The following ATRX variants were observed in gnomAD, a reference collection of about 807,000 sequenced individuals.
ATRX encodes the protein chromatin remodeler ATRX.
Under a neutral mutation model 172.6 loss-of-function variants are expected in ATRX, and 12 were observed. The ratio of observed to expected loss-of-function variants is 0.07; its 90% CI spans 0.04 to 0.11. ATRX has a LOEUF of 0.11. ATRX is among the 10% of genes least tolerant of loss of function. The pLI, the probability that ATRX is intolerant of heterozygous loss-of-function variation, is 1.00. For synonymous variants in ATRX, 674 were observed against 594.7 expected (o/e 1.13, Z -1.94); for missense variants, 1,368 against 1,767.4 (o/e 0.77, Z 4.05).
At chrX:77,553,026 T>C (rs1198395858) in intron 30 of ATRX, among the ~76,000 whole-genome samples, 2 of 110,990 alleles carry the variant, frequency 1.8e-5, no homozygotes, top group Admixed American at 9.6e-5. Context: ...AAGGAAGGTG[T>C]TTGCAATTGT....
intron 30 of ATRX, among the ~76,000 whole-genome samples, chrX:77,525,873 C>T (rs2063364853): frequency 8.9e-6 from 1 of 112,275 alleles, no homozygotes; most frequent in Non-Finnish European, 1.9e-5. Flanking sequence ...TTATAAACAA[C>T]ACAATTTATA....
intron 1 of ATRX, among the ~76,000 whole-genome samples, chrX:77,777,343 C>T (rs1232755121): frequency 1.8e-5 from 2 of 108,538 alleles, no homozygotes; most frequent in Admixed American, 2.0e-4. Flanking sequence ...ATCACACCAC[C>T]GCACTCCAGC....
chrX:77,555,219 G>A (rs2064726880), intron 30 of ATRX, among the ~76,000 whole-genome samples: 1 of 111,639 alleles, frequency 9.0e-6, no homozygotes, highest in Non-Finnish European at 1.9e-5. Flanking sequence ...AACAGATGCT[G>A]GTGAGGATGT....
At chrX:77,650,694 C>T (rs1308459625) in intron 15 of ATRX, among the ~76,000 whole-genome samples, 1 of 110,566 alleles carries the variant, frequency 9.0e-6, no homozygotes, top group Non-Finnish European at 1.9e-5. Flanking sequence ...AAGCAATTCT[C>T]CTGTCTCAGC....
At chrX:77,556,187 AGGAGAG>A (rs1430292864) in intron 30 of ATRX, among the ~76,000 whole-genome samples, 2 of 77,657 alleles carry the variant, frequency 2.6e-5, no homozygotes, top group Non-Finnish European at 4.7e-5. Flanking sequence ...AAGAGGTAGA[AGGAGAG>A]GGAGAGGGAG....
At chrX:77,541,951 T>C (rs782604171) in intron 30 of ATRX, among the ~76,000 whole-genome samples, 71 of 111,626 alleles carry the variant, frequency 6.4e-4, no homozygotes, top group African/African-American at 2.1e-3. Flanking sequence ...CAACATAGTA[T>C]TGGAAGTTCT....
At chrX:77,724,999 T>C (rs1443908748) in intron 1 of ATRX, among the ~76,000 whole-genome samples, 1 of 112,067 alleles carries the variant, frequency 8.9e-6, no homozygotes, top group Non-Finnish European at 1.9e-5. Flanking sequence ...AGCACACATT[T>C]ACTTATGCTA....
chrX:77,759,677 G>A (rs2075644920), intron 1 of ATRX, among the ~76,000 whole-genome samples: 1 of 110,869 alleles, frequency 9.0e-6, no homozygotes, highest in Admixed American at 9.7e-5. Flanking sequence ...TAGCACCACT[G>A]CACTCCAGCC....
chrX:77,732,105 AC>A (rs1270456287), intron 1 of ATRX, among the ~76,000 whole-genome samples: 1 of 111,210 alleles, frequency 9.0e-6, no homozygotes, highest in Non-Finnish European at 1.9e-5. Flanking sequence ...CACAGACACC[AC>A]CCCCCTCCCC....
At chrX:77,642,313 T>C (rs1292610184) in intron 15 of ATRX, among the ~76,000 whole-genome samples, 1 of 111,761 alleles carries the variant, frequency 8.9e-6, no homozygotes, top group Non-Finnish European at 1.9e-5. Context: ...AGCCAGACAT[T>C]AACAGAAAAT....
intron 10 of ATRX, among the ~76,000 whole-genome samples, chrX:77,673,323 G>A (rs2070717925): frequency 9.0e-6 from 1 of 110,752 alleles, no homozygotes; most frequent in South Asian, 3.8e-4. Context: ...TACCCTAATG[G>A]CACTTTCAAG....
At chrX:77,587,194 G>T (rs1602666661) in intron 27 of ATRX, among the ~76,000 whole-genome samples, 1 of 110,972 alleles carries the variant, frequency 9.0e-6, no homozygotes, top group Non-Finnish European at 1.9e-5. Context: ...GACAAAAAAA[G>T]CCAATTAAAA....
At chrX:77,516,421 A>T (rs2063056492) in intron 34 of ATRX, among the ~76,000 whole-genome samples, 1 of 112,050 alleles carries the variant, frequency 8.9e-6, no homozygotes, top group Non-Finnish European at 1.9e-5. Context: ...AAACCAAAAA[A>T]GAGCAGGACT....
At chrX:77,533,705 T>A (rs2063659373) in intron 30 of ATRX, among the ~76,000 whole-genome samples, 1 of 111,253 alleles carries the variant, frequency 9.0e-6, no homozygotes, top group African/African-American at 3.3e-5. Flanking sequence ...GATGGGATGA[T>A]CTGTGCAGTA....
intron 17 of ATRX, 105 bp downstream of exon 17, chrX:77,634,489 C>T: frequency 3.0e-6 from 2 of 666,124 alleles, no homozygotes; most frequent in Admixed American, 5.2e-5. Flanking sequence ...TTCTTGTTCA[C>T]TGCTTTATCT....
intron 10 of ATRX, among the ~76,000 whole-genome samples, chrX:77,669,707 A>T (rs1212592388): frequency 1.8e-5 from 2 of 110,457 alleles, no homozygotes; most frequent in Non-Finnish European, 3.8e-5. Flanking sequence ...TTTTTTTTTT[A>T]ATTTTATTTT....
intron 14 of ATRX, among the ~76,000 whole-genome samples, chrX:77,652,729 C>T: frequency 9.3e-6 from 1 of 107,521 alleles, no homozygotes; most frequent in Non-Finnish European, 1.9e-5. Flanking sequence ...ATGGTGTGAA[C>T]CCAGGAGGCG....
chrX:77,740,053 CAAAAAAAA>C (rs781860181), intron 1 of ATRX, among the ~76,000 whole-genome samples: 2 of 47,053 alleles, frequency 4.3e-5, no homozygotes, highest in Admixed American at 3.5e-4. Context: ...AACTCCATCC[CAAAAAAAA>C]AAAAAAAAAA....
At position 77,682,927 on chromosome X, in the gene ATRX, C is replaced by G. The variant is rs1411348345; in HGVS notation, c.2329G>C (p.Gly777Arg). ...GTAGAACTTTTTCGTTTCCTTTTTC[C>G]TTTATCATCTTTCCCCGCCTGAGTC... ...LKTQAGKDDK[G>R]KRKRKSSTSG... The change falls in exon 9 of 35, where the codon GGA (glycine) becomes CGA (arginine). Residue 777 changes from glycine to arginine, a missense_variant. Around this residue, in one of 17 missense-constraint regions of ATRX, gnomAD observed 843 missense variants for 643.1 expected, o/e 1.31. Transcript: ENST00000373344. 5.8e-6 allele frequency: 7 copies of G among 1,207,809 alleles called. No individual in the cohort carries two copies. The African/African-American group carries it at 1.2e-4, about 21-fold the overall frequency.
Sources: gnomAD v4.1 joint callset for allele counts (sites outside exome capture counted in the v4.1 genomes callset) on GRCh38, gnomAD v4.1.1 for gene constraint, gnomAD v4.1.1 regional missense constraint, MANE v1.5 for transcripts, NCBI Gene and HGNC (gene_info 2026-07-23, HGNC 2026-07-21) for gene names.